SPMAP2L: variants seen among roughly 807,000 people sequenced by gnomAD.
SPMAP2L encodes sperm microtubule associated protein 2 like.
At chr4:56,617,903 G>A in the SPMAP2L span, among the ~76,000 whole-genome samples, 24 of 152,270 alleles carry the variant, frequency 1.6e-4, no homozygotes, top group African/African-American at 4.3e-4. Flanking sequence ...CAAATTCTGC[G>A]TCCTTCTGCT....
At chr4:56,571,783 G>A in the SPMAP2L span, among the ~76,000 whole-genome samples, 1 of 152,178 alleles carries the variant, frequency 6.6e-6, no homozygotes, top group African/African-American at 2.4e-5. Flanking sequence ...AGGAGTTTGA[G>A]GCTGCAGTGA....
At chr4:56,545,270 A>G in the SPMAP2L span, among the ~76,000 whole-genome samples, 4 of 152,254 alleles carry the variant, frequency 2.6e-5, no homozygotes, top group African/African-American at 7.2e-5. Context: ...CCTTCTCCTG[A>G]CTATTTTTCT....
chr4:56,536,538 T>C, the SPMAP2L span, among the ~76,000 whole-genome samples: 2 of 152,226 alleles, frequency 1.3e-5, no homozygotes, highest in African/African-American at 2.4e-5. Context: ...TCTTTCATCC[T>C]TAGTGCCTCA....
At chr4:56,542,443 T>A in the SPMAP2L span, among the ~76,000 whole-genome samples, 1 of 151,312 alleles carries the variant, frequency 6.6e-6, no homozygotes, top group African/African-American at 2.4e-5. Context: ...GTTTTTCTTT[T>A]GTTAATTTAC....
chr4:56,545,321 T>C, the SPMAP2L span, among the ~76,000 whole-genome samples: 15 of 152,234 alleles, frequency 9.9e-5, no homozygotes, highest in African/African-American at 3.6e-4. Context: ...CATATCCTAT[T>C]GTAGTCTGTT....
the SPMAP2L span, among the ~76,000 whole-genome samples, chr4:56,578,126 A>G: frequency 1.3e-5 from 2 of 152,152 alleles, no homozygotes; most frequent in Non-Finnish European, 2.9e-5. Context: ...TTTGTTTGTA[A>G]CTCTTTTTCT....
At chr4:56,589,336 C>CT in the SPMAP2L span, among the ~76,000 whole-genome samples, 1 of 152,220 alleles carries the variant, frequency 6.6e-6, no homozygotes, top group African/African-American at 2.4e-5. Context: ...GTGACTACGG[C>CT]CTTATAGTAT....
chr4:56,541,546 A>C, the SPMAP2L span, among the ~76,000 whole-genome samples: 1 of 152,012 alleles, frequency 6.6e-6, no homozygotes, highest in Non-Finnish European at 1.5e-5. Context: ...TAACATACAC[A>C]AAATAGAGTA....
the SPMAP2L span, among the ~76,000 whole-genome samples, chr4:56,535,270 T>G: frequency 6.6e-6 from 1 of 152,160 alleles, no homozygotes; most frequent in Non-Finnish European, 1.5e-5. Context: ...ATGCCCAATT[T>G]CTGCCTCCAA....
the SPMAP2L span, among the ~76,000 whole-genome samples, chr4:56,542,477 G>A: frequency 6.8e-6 from 1 of 147,946 alleles, no homozygotes; most frequent in African/African-American, 2.5e-5. Flanking sequence ...TTAGGAGAGT[G>A]TCTCAACTAA....
At chr4:56,580,652 A>G in the SPMAP2L span, among the ~76,000 whole-genome samples, 1 of 151,850 alleles carries the variant, frequency 6.6e-6, no homozygotes, top group African/African-American at 2.4e-5. Flanking sequence ...ATAAAAAATA[A>G]AAAAAAATAA....
At chr4:56,563,061 T>C in the SPMAP2L span, among the ~76,000 whole-genome samples, 1 of 149,568 alleles carries the variant, frequency 6.7e-6, no homozygotes, top group East Asian at 2.0e-4. Flanking sequence ...AGTTAATTAC[T>C]GCATCTAAAG....
the SPMAP2L span, among the ~76,000 whole-genome samples, chr4:56,616,154 T>C: frequency 1.3e-5 from 2 of 152,094 alleles, no homozygotes; most frequent in Non-Finnish European, 2.9e-5. Flanking sequence ...ACCTCACAGC[T>C]CTGGAGGCTG....
At chr4:56,608,782 C>T in the SPMAP2L span, among the ~76,000 whole-genome samples, 3 of 152,190 alleles carry the variant, frequency 2.0e-5, no homozygotes, top group East Asian at 5.8e-4. Flanking sequence ...GGGAGAGCCA[C>T]AGTCACATGA....
At chr4:56,581,927 T>C in the SPMAP2L span, among the ~76,000 whole-genome samples, 1 of 152,152 alleles carries the variant, frequency 6.6e-6, no homozygotes, top group South Asian at 2.1e-4. Flanking sequence ...GGGGAAAAAA[T>C]AGTATTTTCA....
chr4:56,594,944 G>C, the SPMAP2L span: 41 of 1,612,030 alleles, frequency 2.5e-5, no homozygotes, highest in South Asian at 4.5e-4. Context: ...CCACAGAGGA[G>C]GTGGTCCTGG....
chr4:56,572,126 G>T, the SPMAP2L span, among the ~76,000 whole-genome samples: 1 of 152,106 alleles, frequency 6.6e-6, no homozygotes, highest in African/African-American at 2.4e-5. Flanking sequence ...ACATAAACCA[G>T]TAGCATAGTT....
chr4:56,584,331 T>A, the SPMAP2L span, among the ~76,000 whole-genome samples: 2 of 152,078 alleles, frequency 1.3e-5, no homozygotes, highest in Non-Finnish European at 1.5e-5. Flanking sequence ...AGCAAAAAAA[T>A]TTTAAGAAAC....
the SPMAP2L span, chr4:56,530,854 G>A: frequency 2.6e-6 from 4 of 1,534,918 alleles, no homozygotes; most frequent in Non-Finnish European, 3.5e-6. Flanking sequence ...GAATCCCGAG[G>A]AACCCGAGGA....
Sources: gnomAD v4.1 joint callset for allele counts (sites outside exome capture counted in the v4.1 genomes callset) on GRCh38, gnomAD v4.1.1 for gene constraint, MANE v1.5 for transcripts, NCBI Gene and HGNC (gene_info 2026-07-23, HGNC 2026-07-21) for gene names.